The following FARP1 variants were observed in gnomAD, a reference collection of about 807,000 sequenced individuals.
The protein encoded by FARP1 is FERM, ARH/RhoGEF and pleckstrin domain protein 1.
Under a neutral mutation model 128.8 loss-of-function variants are expected in FARP1, and 52 were observed. The observed-to-expected ratio is 0.40, with a 90% confidence interval of 0.32 to 0.51. FARP1 has a LOEUF of 0.51. Among genes scored for constraint, FARP1 ranks in the 20% least tolerant of loss-of-function variants. FARP1 has a pLI of 0.45. For missense variants in FARP1, 1,333 were observed against 1,367.9 expected, an observed-to-expected ratio of 0.97 and a Z score of 0.40; for synonymous variants, 580 against 551.8, an observed-to-expected ratio of 1.05 and a Z score of -0.72.
intron 2 of FARP1, among the ~76,000 whole-genome samples, chr13:98,296,290 T>C (rs1336524810): frequency 6.6e-6 from 1 of 152,246 alleles, no homozygotes; most frequent in African/African-American, 2.4e-5. Flanking sequence ...TCCTGTCCCG[T>C]GGCCCCCCGA....
At chr13:98,251,423 C>G (rs529762667) in intron 2 of FARP1, among the ~76,000 whole-genome samples, 1 of 152,170 alleles carries the variant, frequency 6.6e-6, no homozygotes. Flanking sequence ...ATTCTTACGC[C>G]TGTAATCCCA....
At chr13:98,436,810 C>G (rs1167098737) in intron 19 of FARP1, among the ~76,000 whole-genome samples, 5 of 152,234 alleles carry the variant, frequency 3.3e-5, no homozygotes, top group African/African-American at 1.2e-4. Context: ...ACACGGAACC[C>G]TCAGAAAAGC....
At chr13:98,181,053 CTT>C (rs113512344) in intron 1 of FARP1, among the ~76,000 whole-genome samples, 1 of 145,816 alleles carries the variant, frequency 6.9e-6, no homozygotes, top group African/African-American at 2.5e-5. Context: ...ATTTTTAAGT[CTT>C]TTTTTTTTTA....
At chr13:98,359,533 A>C (rs970390321) in intron 3 of FARP1, among the ~76,000 whole-genome samples, 2 of 152,220 alleles carry the variant, frequency 1.3e-5, no homozygotes, top group Non-Finnish European at 2.9e-5. Context: ...CGTTGGCCTT[A>C]GTATCTCCTC....
At chr13:98,318,708 C>T (rs1886851520) in intron 2 of FARP1, among the ~76,000 whole-genome samples, 2 of 152,212 alleles carry the variant, frequency 1.3e-5, no homozygotes, top group African/African-American at 2.4e-5. Context: ...GCCACCACCC[C>T]ACCCAGCAGT....
At chr13:98,201,699 C>T (rs1879960065) in intron 1 of FARP1, among the ~76,000 whole-genome samples, 1 of 152,076 alleles carries the variant, frequency 6.6e-6, no homozygotes, top group African/African-American at 2.4e-5. Flanking sequence ...GAAAATTTCT[C>T]TTTTGCTCTG....
chr13:98,394,656 C>T (rs1156428963), intron 12 of FARP1, among the ~76,000 whole-genome samples: 3 of 152,104 alleles, frequency 2.0e-5, no homozygotes, highest in East Asian at 1.9e-4. Flanking sequence ...AAAAATTAGC[C>T]GGGTGTGGTG....
At chr13:98,244,806 C>A in intron 2 of FARP1, 1 of 1,527,886 alleles carries the variant, frequency 6.5e-7, no homozygotes, top group Non-Finnish European at 8.8e-7. Context: ...CATTTCAGTG[C>A]CCAATAAGTG....
Position 98,248,925 on chromosome 13 carries a change from G to A in FARP1, c.171+35512G>A, listed in dbSNP as rs58126600. Reference sequence around the variant, plus strand: ...TGAGAATGTGCCTTACAGAGAAAACGGGTGTTAGGGAAGCTTCATTTAGGC... The same window carrying A: ...TGAGAATGTGCCTTACAGAGAAAACAGGTGTTAGGGAAGCTTCATTTAGGC... On this transcript the variant is annotated intron_variant, in intron 2 of 26. Coordinates refer to ENST00000319562, the MANE Select transcript of FARP1 (RefSeq NM_005766.4). 4.6e-3 allele frequency among the ~76,000 whole-genome samples: 700 copies of A among 152,160 alleles called. 6 individuals carry two copies. The highest frequency in any genetic ancestry group is 0.016 in the African/African-American group (660 of 41,500).
At chr13:98,327,669 C>G (rs1463923899) in intron 2 of FARP1, among the ~76,000 whole-genome samples, 1 of 152,188 alleles carries the variant, frequency 6.6e-6, no homozygotes, top group Non-Finnish European at 1.5e-5. Flanking sequence ...TCCAAGACCC[C>G]AGTGGATGCC....
rs533364815 is a variant in FARP1 at position 98,442,956 on chromosome 13, A to G, written c.2796+2120A>G. Among the ~76,000 whole-genome samples the G allele has an allele frequency of 2.6e-5, 4 of 152,322 alleles. No homozygotes were observed. In the East Asian group the frequency reaches 7.7e-4, roughly 29 times the overall value. On this transcript the variant is annotated intron_variant, in intron 24 of 26. Coordinates refer to ENST00000319562, the MANE Select transcript of FARP1 (RefSeq NM_005766.4). ...ACCCAGGCCATTCAACGAGGCAGCA[A>G]ATACCCAAGTGGGGTCCAGGTGGCC...
intron 2 of FARP1, among the ~76,000 whole-genome samples, chr13:98,262,118 T>C (rs1417427979): frequency 6.7e-6 from 1 of 149,766 alleles, no homozygotes; most frequent in African/African-American, 2.5e-5. Context: ...CGGGGTCAAG[T>C]GATTTTCCAG....
At chr13:98,337,698 T>C (rs1297847792) in intron 2 of FARP1, among the ~76,000 whole-genome samples, 1 of 152,106 alleles carries the variant, frequency 6.6e-6, no homozygotes, top group Non-Finnish European at 1.5e-5. Context: ...CTTTTCCCCA[T>C]TCAAACTTGA....
intron 1 of FARP1, among the ~76,000 whole-genome samples, chr13:98,211,225 T>C (rs11842699): frequency 0.096 from 14,633 of 152,244 alleles, 804 homozygotes; most frequent in South Asian, 0.2. Context: ...CCGTGGCCTT[T>C]CAGGAACTGG....
intron 2 of FARP1, among the ~76,000 whole-genome samples, chr13:98,336,051 AC>A (rs1397098188): frequency 6.6e-6 from 1 of 152,200 alleles, no homozygotes; most frequent in Non-Finnish European, 1.5e-5. Flanking sequence ...ACAAGGCAGT[AC>A]TTTAGCTCTC....
chr13:98,398,143 A>G (rs1467219283), intron 13 of FARP1: 4 of 152,208 alleles, frequency 2.6e-5, no homozygotes, highest in Non-Finnish European at 5.9e-5. Context: ...GACAAATGAT[A>G]TCTGTCCACA....
At chr13:98,143,896 T>C (rs1241267190) in intron 1 of FARP1, among the ~76,000 whole-genome samples, 1 of 151,658 alleles carries the variant, frequency 6.6e-6, no homozygotes, top group East Asian at 2.0e-4. Context: ...TCTCGGCCCC[T>C]GAGGCCGGTT....
At chr13:98,368,800 T>C (rs1394910167) in intron 5 of FARP1, among the ~76,000 whole-genome samples, 1 of 152,162 alleles carries the variant, frequency 6.6e-6, no homozygotes, top group East Asian at 1.9e-4. Flanking sequence ...GTAGGGACAC[T>C]GTAAATGGTA....
intron 1 of FARP1, among the ~76,000 whole-genome samples, chr13:98,146,214 G>A (rs905911650): frequency 5.4e-5 from 8 of 147,744 alleles, no homozygotes; most frequent in African/African-American, 7.5e-5. Context: ...CTGTGGATTT[G>A]TAAGTACTGT....
Sources: allele counts gnomAD v4.1 joint callset (sites outside exome capture counted in the v4.1 genomes callset), GRCh38; gene constraint gnomAD v4.1.1; transcripts MANE v1.5; gene names NCBI Gene and HGNC (gene_info 2026-07-23, HGNC 2026-07-21).